PDCD11: variants seen among roughly 807,000 people sequenced by gnomAD.
The protein encoded by PDCD11 is programmed cell death 11, also known as protein RRP5 homolog.
A neutral mutation model predicts 198.9 loss-of-function variants in PDCD11; 97 were observed. That is an observed-to-expected ratio of 0.49 (90% confidence interval 0.41 to 0.58). PDCD11 has a LOEUF of 0.58. Among genes scored for constraint, PDCD11 ranks in the 20% least tolerant of loss-of-function variants. The pLI is 0.00. For synonymous variants in PDCD11, 893 were observed against 918.0 expected (o/e 0.97, Z 0.49); for missense variants, 2,102 against 2,312.7 (o/e 0.91, Z 1.87).
chr10:103,404,017 C>T (rs1411066099), intron 4 of PDCD11, among the ~76,000 whole-genome samples: 1 of 152,146 alleles, frequency 6.6e-6, no homozygotes, highest in Non-Finnish European at 1.5e-5. Context: ...GAGACAGAGT[C>T]TCACTCTGTT....
chr10:103,443,017 A>G (rs1161021589), intron 32 of PDCD11, 148 bp from the exon 33 acceptor site: 3 of 576,082 alleles, frequency 5.2e-6, no homozygotes, highest in Admixed American at 3.5e-5. Context: ...AGCTGTGGGG[A>G]CACAGCCTCT....
chr10:103,418,375 A>C, intron 14 of PDCD11, 65 bp from the exon 15 acceptor site: 1 of 1,353,470 alleles, frequency 7.4e-7, no homozygotes, highest in Non-Finnish European at 1.0e-6. Context: ...AGCCCTGCCT[A>C]ATCCAGACCA....
intron 5 of PDCD11, 195 bp downstream of exon 5, chr10:103,405,378 A>G (rs1011543433): frequency 2.8e-5 from 13 of 468,160 alleles, no homozygotes; most frequent in Non-Finnish European, 4.6e-5. Flanking sequence ...ATTACATTGG[A>G]GAAGAGAAAA....
intron 21 of PDCD11, 78 bp downstream of exon 21, chr10:103,427,469 G>T: frequency 8.5e-7 from 1 of 1,170,574 alleles, no homozygotes; most frequent in South Asian, 1.4e-5. Flanking sequence ...TTCGAATCTT[G>T]ATTTTACCAG....
intron 2 of PDCD11, among the ~76,000 whole-genome samples, chr10:103,400,175 T>C (rs949016460): frequency 6.6e-6 from 1 of 150,756 alleles, no homozygotes; most frequent in Admixed American, 6.6e-5. Context: ...TTTGGGAACA[T>C]GAAGGAGGCT....
chr10:103,426,894 C>G (rs1484529984), intron 20 of PDCD11, among the ~76,000 whole-genome samples: 2 of 151,218 alleles, frequency 1.3e-5, no homozygotes, highest in African/African-American at 2.4e-5. Context: ...GAGTTCAAGA[C>G]CTGCCTGGGC....
In PDCD11 at chr10:103,398,383, A is replaced by G. The variant is rs138574541; in HGVS notation, c.-11-33A>G. On this transcript the variant is annotated intron_variant, in intron 1 of 35. Coordinates refer to ENST00000369797, the MANE Select transcript of PDCD11 (RefSeq NM_014976.2). ...CTTTCTGAAATCTGCTACCAAGACAACATGTCACCATTATCCTTTGCATTG... is the reference window on the plus strand; with the variant it reads ...CTTTCTGAAATCTGCTACCAAGACAGCATGTCACCATTATCCTTTGCATTG... 1.8e-4 allele frequency: 235 copies of G among 1,311,388 alleles called. 1 individual carries two copies. The African/African-American group carries it at 2.5e-3, about 14-fold the overall frequency. 81.2% of individuals were successfully genotyped at this position (1,311,388 alleles called of 1,614,324 possible).
intron 33 of PDCD11, 116 bp from the exon 34 acceptor site, chr10:103,443,797 TGA>T (rs878914595): frequency 3.0e-6 from 3 of 1,012,852 alleles, no homozygotes; most frequent in South Asian, 3.0e-5. Flanking sequence ...CATTAGGCCC[TGA>T]GAGTGATTTG....
rs2032345085 is a variant in PDCD11 at position 103,440,650 on chromosome 10, C to T, written c.4440+69C>T. ...AGGGACAGCCATGAGGGCGTGGGGA[C>T]AGGGCACCCAGTGGGGCCGAGGGAG... On this transcript the variant is annotated intron_variant, in intron 29 of 35. Coordinates refer to ENST00000369797, the MANE Select transcript of PDCD11 (RefSeq NM_014976.2). 5 of 1,611,704 alleles carry T rather than the reference C, an allele frequency of 3.1e-6. No homozygotes were observed. The South Asian group carries it at 4.4e-5, about 14-fold the overall frequency.
rs763214752 is a variant in PDCD11, at chr10:103,409,746, C to T, written c.918C>T (p.Gly306=). Residue 306 remains glycine, a synonymous_variant, in exon 8 of 36, where the codon GGC becomes GGT. Transcript: ENST00000369797. ...TAAACTTCCTCACATTCTTCACGGG[C>T]GTGGTTGACTTTATGCACCTGGATC... is the stretch of plus-strand genomic sequence containing the variant. ...LTLNFLTFFT[G]VVDFMHLDPK... 6 of 1,613,990 alleles carry T rather than the reference C, an allele frequency of 3.7e-6. No homozygotes were observed. The highest frequency in any genetic ancestry group is 4.2e-6 in the Non-Finnish European group (5 of 1,179,938).
intron 33 of PDCD11, 35 bp from the exon 34 acceptor site, chr10:103,443,880 A>T: frequency 2.5e-6 from 4 of 1,607,540 alleles, no homozygotes; most frequent in Non-Finnish European, 3.4e-6. Context: ...CTGTAGTATC[A>T]CACTCTCCTC....
chr10:103,436,374 C>T (rs952125949), intron 25 of PDCD11, among the ~76,000 whole-genome samples: 37 of 152,116 alleles, frequency 2.4e-4, no homozygotes, highest in African/African-American at 7.5e-4. Flanking sequence ...AGTGAGCCTC[C>T]GCACCCAGCC....
intron 12 of PDCD11, among the ~76,000 whole-genome samples, chr10:103,415,476 A>C (rs1204470367): frequency 6.6e-6 from 1 of 151,460 alleles, no homozygotes; most frequent in East Asian, 1.9e-4. Context: ...ATCAGTAGCG[A>C]CTGCCACGAA....
intron 16 of PDCD11, 118 bp from the exon 17 acceptor site, chr10:103,421,230 G>T (rs1013785765): frequency 3.7e-5 from 27 of 732,066 alleles, no homozygotes; most frequent in African/African-American, 3.5e-4. Flanking sequence ...GAGAGGGCTT[G>T]GGGGAGCTTC....
In PDCD11 at chr10:103,403,201, C is replaced by G; in HGVS notation, c.318C>G (p.Leu106=). 6.2e-7 allele frequency: 1 copy of G among 1,614,094 alleles called. No homozygotes were observed. The change falls in exon 4 of 36, where the codon CTC becomes CTG. Residue 106 remains leucine (L), a synonymous_variant. Coordinates refer to ENST00000369797, the MANE Select transcript of PDCD11 (RefSeq NM_014976.2). ...LELVISLPNG[L]QGFVQVTEIC... ...TGGTGATTAGTCTCCCCAATGGCCT[C>G]CAGGGCTTTGTGCAAGTCACTGAAA...
chr10:103,430,421 A>G (rs573352663), intron 21 of PDCD11, among the ~76,000 whole-genome samples: 5 of 152,248 alleles, frequency 3.3e-5, no homozygotes, highest in Non-Finnish European at 7.3e-5. Context: ...TGCTGCATTG[A>G]ACATGAGTGT....
intron 27 of PDCD11, among the ~76,000 whole-genome samples, chr10:103,439,218 T>A (rs765496411): frequency 2.0e-4 from 31 of 152,138 alleles, no homozygotes; most frequent in Non-Finnish European, 3.8e-4. Context: ...AGCATGAGCC[T>A]GTAGTCCCAG....
intron 28 of PDCD11, 55 bp from the exon 29 acceptor site, chr10:103,440,235 G>A (rs929991991): frequency 1.3e-6 from 2 of 1,556,712 alleles, no homozygotes; most frequent in East Asian, 4.5e-5. Context: ...TGGGCCGCCT[G>A]TGGTGCCCTC....
chr10:103,414,871 G>A lies in PDCD11; in HGVS notation c.1372-134G>A. 2 of 801,816 alleles carry A rather than the reference G, an allele frequency of 2.5e-6. 1 individual carries two copies. The highest frequency in any genetic ancestry group is 4.2e-6 in the Non-Finnish European group (2 of 476,326). 49.7% of individuals were successfully genotyped at this position (801,816 alleles called of 1,614,324 possible). A position where few individuals can be genotyped will look rare whatever the true frequency, so the allele number is the denominator to read the frequency against. On this transcript the variant is annotated intron_variant, in intron 11 of 35. Transcript: ENST00000369797. ...AGTGTGGGGTGTGTGCTTCACCCAT[G>A]TGCCATCTGGAATAACAGGCACAGT...
Sources: gnomAD v4.1 joint callset for allele counts (sites outside exome capture counted in the v4.1 genomes callset) on GRCh38, gnomAD v4.1.1 for gene constraint, MANE v1.5 for transcripts, NCBI Gene and HGNC (gene_info 2026-07-23, HGNC 2026-07-21) for gene names.